RSPO4: variants seen among roughly 807,000 people sequenced by gnomAD.
RSPO4 encodes R-spondin 4.
In RSPO4, 23 loss-of-function variants were observed where a neutral mutation model predicts 24.8. The ratio of observed to expected loss-of-function variants is 0.93; its 90% CI spans 0.67 to 1.31. The LOEUF is 1.31. Ranked by LOEUF, RSPO4 falls within the 40% of genes most tolerant of loss-of-function variation. RSPO4 has a pLI of 0.00. For synonymous variants in RSPO4, 141 were observed against 127.4 expected (o/e 1.11, Z -0.72); for missense variants, 333 against 316.5 (o/e 1.05, Z -0.39).
chr20:982,980 C>T (rs370982804), intron 1 of RSPO4, among the ~76,000 whole-genome samples: 7 of 152,318 alleles, frequency 4.6e-5, no homozygotes, highest in Admixed American at 6.5e-5. Flanking sequence ...CAACGCCCAC[C>T]GCTACAAACC....
At chr20:976,202 G>A (rs544736104) in intron 1 of RSPO4, among the ~76,000 whole-genome samples, 22 of 152,266 alleles carry the variant, frequency 1.4e-4, no homozygotes, top group African/African-American at 4.8e-4. Context: ...TGTAAACCTA[G>A]GTTCCCTCCC....
intron 1 of RSPO4, among the ~76,000 whole-genome samples, chr20:991,610 A>G (rs1985104416): frequency 6.6e-6 from 1 of 152,120 alleles, no homozygotes; most frequent in East Asian, 1.9e-4. Context: ...TTACATGATT[A>G]AAACAAATTT....
chr20:997,152 C>A (rs941485905), intron 1 of RSPO4, among the ~76,000 whole-genome samples: 1 of 152,212 alleles, frequency 6.6e-6, no homozygotes, highest in Non-Finnish European at 1.5e-5. Context: ...AGAGTGAGGA[C>A]GCGCAGCCCC....
intron 1 of RSPO4, among the ~76,000 whole-genome samples, chr20:974,298 G>A (rs917572887): frequency 6.6e-6 from 1 of 152,170 alleles, no homozygotes; most frequent in Non-Finnish European, 1.5e-5. Flanking sequence ...CTGTTTGTAG[G>A]GCATGACTCT....
At chr20:993,444 G>C (rs1985175854) in intron 1 of RSPO4, among the ~76,000 whole-genome samples, 1 of 152,166 alleles carries the variant, frequency 6.6e-6, no homozygotes, top group African/African-American at 2.4e-5. Context: ...TGTTCCACCG[G>C]GCTAGGAAAA....
rs201150765 is a variant in RSPO4, at chr20:984,954, C to T, written c.80-16816G>A. Among the ~76,000 whole-genome samples, 395 of 65,020 alleles carry T rather than the reference C, an allele frequency of 6.1e-3. 12 individuals carry two copies. Among genetic ancestry groups the T allele is most frequent in the East Asian group, 0.054 (98 of 1,830 alleles). The allele number at this position is 65,020 out of a possible 152,430, so 42.7% of individuals were successfully genotyped here. On this transcript the variant is annotated intron_variant, in intron 1 of 4. Coordinates refer to ENST00000217260, the MANE Select transcript of RSPO4 (RefSeq NM_001029871.4). Reference sequence around the variant, plus strand: ...ATCCATCCATCCATCCATCCATCCACCCACCCACCCATCTATCCATCCACT... The same window carrying T: ...ATCCATCCATCCATCCATCCATCCATCCACCCACCCATCTATCCATCCACT...
chr20:962,020 C>T (rs1014731551), intron 4 of RSPO4, among the ~76,000 whole-genome samples: 1 of 152,162 alleles, frequency 6.6e-6, no homozygotes. Flanking sequence ...ACTCACCCAC[C>T]TGTGCATTCA....
At chr20:986,941 A>AATACCACCATGAC (rs1378365838) in intron 1 of RSPO4, among the ~76,000 whole-genome samples, 4 of 152,188 alleles carry the variant, frequency 2.6e-5, no homozygotes, top group Non-Finnish European at 4.4e-5. Flanking sequence ...ACAAGAATGA[A>AATACCACCATGAC]ATACCACCAT....
rs776608135 is a variant in RSPO4 at position 968,111 on chromosome 20, G to A, written c.107C>T (p.Thr36Ile). 3.7e-6 allele frequency: 6 copies of A among 1,614,158 alleles called. No individual in the cohort carries two copies. The South Asian group carries it at 6.6e-5, about 18-fold the overall frequency. ...QVGTGLGGNC[T>I]GCIICSEENG... ...CTCCTCTGAGCAGATGATACAGCCT[G>A]TGCAGTTGCCCCCCAGGCCAGTGCC... The change falls in exon 2 of 5, where the codon ACA (threonine) becomes ATA (isoleucine). Residue 36 changes from threonine to isoleucine, a missense_variant. Coordinates refer to ENST00000217260, the MANE Select transcript of RSPO4 (RefSeq NM_001029871.4).
chr20:962,564 G>A (rs1432044496), intron 4 of RSPO4, among the ~76,000 whole-genome samples: 1 of 152,136 alleles, frequency 6.6e-6, no homozygotes, highest in African/African-American at 2.4e-5. Flanking sequence ...GTCCTGCTCT[G>A]GCTCTGGGGT....
intron 1 of RSPO4, among the ~76,000 whole-genome samples, chr20:971,100 C>T (rs866550397): frequency 6.6e-6 from 1 of 152,202 alleles, no homozygotes; most frequent in Non-Finnish European, 1.5e-5. Flanking sequence ...CCTCAGGGTC[C>T]CAAAGTGTTG....
rs1984950825 is a variant in RSPO4 at position 987,238 on chromosome 20, C to T, written c.79+14848G>A. Among the ~76,000 whole-genome samples the T allele has an allele frequency of 2.0e-5, 3 of 152,150 alleles. No individual in the cohort carries two copies. In the South Asian group the frequency reaches 6.2e-4, roughly 32 times the overall value. On this transcript the variant is annotated intron_variant, in intron 1 of 4. Coordinates refer to ENST00000217260, the MANE Select transcript of RSPO4 (RefSeq NM_001029871.4). Reference sequence around the variant, plus strand: ...GGCCCCTGGCCCCTGTCTGGGTAGCCCAGGTCTGCTACATCCATTGCTGCA... The same window carrying T: ...GGCCCCTGGCCCCTGTCTGGGTAGCTCAGGTCTGCTACATCCATTGCTGCA...
At chr20:994,178 A>T (rs1985200267) in intron 1 of RSPO4, among the ~76,000 whole-genome samples, 1 of 152,246 alleles carries the variant, frequency 6.6e-6, no homozygotes, top group Non-Finnish European at 1.5e-5. Flanking sequence ...AACAAAATCC[A>T]AAGTGACTTT....
intron 1 of RSPO4, among the ~76,000 whole-genome samples, chr20:1,000,442 G>A (rs983504653): frequency 1.3e-5 from 2 of 152,130 alleles, no homozygotes; most frequent in African/African-American, 4.8e-5. Context: ...ATACTTACGA[G>A]CACCCATTAG....
At position 968,156 on chromosome 20, in the gene RSPO4, G is replaced by C. The variant is rs1386426618; in HGVS notation, c.80-18C>G. 5 of 1,611,536 alleles carry C rather than the reference G, an allele frequency of 3.1e-6. No homozygotes were observed. In the Admixed American group the frequency reaches 8.3e-5, roughly 27 times the overall value. Reference sequence around the variant, plus strand: ...AGTGCCCACTGCCCACAAGACCAGGGCAGAAGGAGGGGGAAAGGGAGAGAG... The same window carrying C: ...AGTGCCCACTGCCCACAAGACCAGGCCAGAAGGAGGGGGAAAGGGAGAGAG... On this transcript the variant is annotated intron_variant, in intron 1 of 4. Coordinates refer to ENST00000217260, the MANE Select transcript of RSPO4 (RefSeq NM_001029871.4).
chr20:961,358 G>A (rs528153125), intron 4 of RSPO4, among the ~76,000 whole-genome samples: 7 of 152,338 alleles, frequency 4.6e-5, no homozygotes, highest in African/African-American at 1.4e-4. Flanking sequence ...GGCTCCATGA[G>A]TCACTTTCTG....
intron 1 of RSPO4, among the ~76,000 whole-genome samples, chr20:976,843 C>T (rs562644037): frequency 9.2e-5 from 14 of 152,232 alleles, no homozygotes; most frequent in African/African-American, 2.9e-4. Flanking sequence ...AGATTTCTAG[C>T]ATTTAAAAAA....
intron 4 of RSPO4, among the ~76,000 whole-genome samples, chr20:963,469 C>T (rs1984070984): frequency 6.6e-6 from 1 of 152,080 alleles, no homozygotes; most frequent in African/African-American, 2.4e-5. Flanking sequence ...TGACCACGGC[C>T]GCGGTCCTCA....
chr20:965,418 G>T (rs747629815), intron 3 of RSPO4, among the ~76,000 whole-genome samples: 1 of 152,248 alleles, frequency 6.6e-6, no homozygotes, highest in Non-Finnish European at 1.5e-5. Flanking sequence ...GGGGTGGAAA[G>T]GCTGGCAGAT....
Sources: allele counts gnomAD v4.1 joint callset (sites outside exome capture counted in the v4.1 genomes callset), GRCh38; gene constraint gnomAD v4.1.1; transcripts MANE v1.5; gene names NCBI Gene and HGNC (gene_info 2026-07-23, HGNC 2026-07-21).